The following SLC25A26 variants were observed in gnomAD, a reference collection of about 807,000 sequenced individuals.
SLC25A26 encodes solute carrier family 25 member 26, also known as mitochondrial S-adenosylmethionine carrier protein.
Under a neutral mutation model 37.8 loss-of-function variants are expected in SLC25A26, and 36 were observed. That is an observed-to-expected ratio of 0.95 (90% CI 0.73 to 1.26). The LOEUF (loss-of-function observed/expected upper bound fraction) is 1.26, where lower values mean the gene tolerates loss of function less well. SLC25A26 is among the 50% of genes most tolerant of loss of function. The pLI, the probability that SLC25A26 is intolerant of heterozygous loss-of-function variation, is 0.00. For synonymous variants in SLC25A26, 129 were observed against 122.5 expected, an observed-to-expected ratio of 1.05 and a Z score of -0.35; for missense variants, 390 against 331.1, an observed-to-expected ratio of 1.18 and a Z score of -1.38.
At chr3:66,246,925 G>T (rs1269757003) in intron 3 of SLC25A26, among the ~76,000 whole-genome samples, 2 of 152,090 alleles carry the variant, frequency 1.3e-5, no homozygotes, top group African/African-American at 2.4e-5. Flanking sequence ...GCAGTGGCGC[G>T]ATCTCGGCTC....
At chr3:66,374,453 T>G (rs542215064) in intron 9 of SLC25A26, among the ~76,000 whole-genome samples, 1 of 152,202 alleles carries the variant, frequency 6.6e-6, no homozygotes, top group Admixed American at 6.5e-5. Context: ...GGGCTGTGTC[T>G]CCAACCAGCC....
chr3:66,275,872 G>A (rs1032519858), intron 5 of SLC25A26, among the ~76,000 whole-genome samples: 2 of 152,106 alleles, frequency 1.3e-5, no homozygotes, highest in Admixed American at 6.6e-5. Flanking sequence ...TTCATTAGGT[G>A]TGTGCGAATT....
chr3:66,175,140 T>TATACACACACACAC, intron 1 of SLC25A26, among the ~76,000 whole-genome samples: 1 of 67,010 alleles, frequency 1.5e-5, no homozygotes, highest in African/African-American at 6.4e-5. Flanking sequence ...TATATATATA[T>TATACACACACACAC]ACACACACAC....
At chr3:66,322,022 C>T (rs1046264024) in intron 5 of SLC25A26, among the ~76,000 whole-genome samples, 7 of 152,122 alleles carry the variant, frequency 4.6e-5, no homozygotes, top group African/African-American at 1.7e-4. Flanking sequence ...CCAAGTACCT[C>T]CCATTCCATC....
intron 5 of SLC25A26, among the ~76,000 whole-genome samples, chr3:66,297,116 G>A (rs2074927071): frequency 6.6e-6 from 1 of 152,126 alleles, no homozygotes; most frequent in African/African-American, 2.4e-5. Flanking sequence ...CCTGAGGTCA[G>A]AAGTTCAAAA....
chr3:66,242,744 T>C (rs959629931), intron 2 of SLC25A26, among the ~76,000 whole-genome samples: 1 of 152,200 alleles, frequency 6.6e-6, no homozygotes, highest in Non-Finnish European at 1.5e-5. Flanking sequence ...AAAATAGCCA[T>C]GATTATTTTG....
At chr3:66,304,327 T>C in intron 5 of SLC25A26, 1 of 417,126 alleles carries the variant, frequency 2.4e-6, no homozygotes, top group South Asian at 1.8e-5. Flanking sequence ...TGCCTCTTGA[T>C]TTAAAAAGAT....
intron 1 of SLC25A26, among the ~76,000 whole-genome samples, chr3:66,151,701 T>A (rs1376504823): frequency 6.6e-6 from 1 of 152,058 alleles, no homozygotes; most frequent in Non-Finnish European, 1.5e-5. Context: ...ACCATCCCCA[T>A]CCTTCCAACA....
chr3:66,286,412 T>C (rs1210595728), intron 5 of SLC25A26, among the ~76,000 whole-genome samples: 1 of 152,194 alleles, frequency 6.6e-6, no homozygotes, highest in African/African-American at 2.4e-5. Flanking sequence ...TTTGCATATA[T>C]AGATGTCTAG....
chr3:66,257,872 A>G (rs145921549), intron 3 of SLC25A26, among the ~76,000 whole-genome samples: 162 of 152,252 alleles, frequency 1.1e-3, no homozygotes, highest in African/African-American at 3.5e-3. Context: ...CTATGGAAGC[A>G]ATACCGGTGA....
intron 5 of SLC25A26, among the ~76,000 whole-genome samples, chr3:66,342,565 T>G (rs1431108750): frequency 1.3e-5 from 2 of 151,906 alleles, no homozygotes; most frequent in African/African-American, 4.8e-5. Flanking sequence ...ATTTTAAGAT[T>G]ACAGGGATAG....
intron 1 of SLC25A26, among the ~76,000 whole-genome samples, chr3:66,225,803 G>C (rs996526629): frequency 2.0e-5 from 3 of 152,110 alleles, no homozygotes; most frequent in East Asian, 3.9e-4. Context: ...AGATCTCTAG[G>C]GCAGGGGCAA....
chr3:66,175,384 C>G (rs1322451245), intron 1 of SLC25A26, among the ~76,000 whole-genome samples: 1 of 151,766 alleles, frequency 6.6e-6, no homozygotes, highest in African/African-American at 2.4e-5. Flanking sequence ...GCCACCATGC[C>G]CAGCTAATTT....
chr3:66,163,840 G>A (rs188703657), intron 1 of SLC25A26, among the ~76,000 whole-genome samples: 17 of 152,320 alleles, frequency 1.1e-4, no homozygotes, highest in African/African-American at 3.6e-4. Flanking sequence ...ATTTAGACTA[G>A]TGGTTCTCAC....
chr3:66,225,141 C>T (rs1336634248), intron 1 of SLC25A26, among the ~76,000 whole-genome samples: 1 of 151,688 alleles, frequency 6.6e-6, no homozygotes, highest in Non-Finnish European at 1.5e-5. Flanking sequence ...CAGGTGGTGA[C>T]CTGGTGGGGA....
intron 5 of SLC25A26, among the ~76,000 whole-genome samples, chr3:66,282,041 G>T (rs375668197): frequency 1.7e-5 from 2 of 116,064 alleles, no homozygotes; most frequent in African/African-American, 7.0e-5. Flanking sequence ...GTCTCGCTCT[G>T]TCGCCCAGGC....
chr3:66,147,869 C>T (rs1434309822), intron 1 of SLC25A26, among the ~76,000 whole-genome samples: 6 of 152,216 alleles, frequency 3.9e-5, no homozygotes, highest in African/African-American at 1.2e-4. Context: ...AGCCATTTTC[C>T]TGCCTCAGCC....
At chr3:66,370,447 G>A in intron 8 of SLC25A26, 82 bp from the exon 9 acceptor site, 1 of 1,102,606 alleles carries the variant, frequency 9.1e-7, no homozygotes, top group Non-Finnish European at 1.4e-6. Context: ...ACGGGGAGCT[G>A]TGTGTCTGAG....
At chr3:66,315,794 T>C (rs757543875) in intron 5 of SLC25A26, among the ~76,000 whole-genome samples, 9 of 152,232 alleles carry the variant, frequency 5.9e-5, no homozygotes, top group Non-Finnish European at 1.0e-4. Flanking sequence ...ATCTAGGTGC[T>C]CCTGTATTGG....
Sources: gnomAD v4.1 joint callset for allele counts (sites outside exome capture counted in the v4.1 genomes callset) on GRCh38, gnomAD v4.1.1 for gene constraint, MANE v1.5 for transcripts, NCBI Gene and HGNC (gene_info 2026-07-23, HGNC 2026-07-21) for gene names.